VWF: variants seen among roughly 807,000 people sequenced by gnomAD.
VWF encodes the protein Factor VIII related antigen.
VWF carries 176 observed loss-of-function variants against 308.6 expected under a neutral mutation model. The ratio of observed to expected loss-of-function variants is 0.57; its 90% CI spans 0.50 to 0.65. The LOEUF (loss-of-function observed/expected upper bound fraction) is 0.65. VWF is among the 30% of genes least tolerant of loss of function. The pLI is 0.00. For missense variants in VWF, 3,146 were observed against 3,648.2 expected (o/e 0.86, Z 3.55); for synonymous variants, 1,385 against 1,443.4 (o/e 0.96, Z 0.92).
rs61750580 is a variant in VWF, at chr12:6,018,593, C to T, written c.4825G>A (p.Gly1609Arg). The T allele has an allele frequency of 3.1e-6, 5 of 1,614,130 alleles. No homozygotes were observed. Among genetic ancestry groups the T allele is most frequent in the African/African-American group, 1.3e-5 (1 of 75,030 alleles). ...TTGATCTCATCAGAGGCAGGATTTC[C>T]GGTGACCATGTAGACCAGGTTGGGC... ...QAPNLVYMVTGNPASDEIKRL... is the reference protein window; with the variant it reads ...QAPNLVYMVTRNPASDEIKRL... The change falls in exon 28 of 52, where the codon GGA (glycine) becomes AGA (arginine). Residue 1609 changes from glycine to arginine, a missense_variant. Physicochemically the swap from Gly to Arg is moderately radical, Grantham distance 125 (BLOSUM62 -2). This residue lies in a region of VWF where 853 missense variants were observed against 1,177.8 expected (regional missense o/e 0.72). Transcript: ENST00000261405.
intron 5 of VWF, 112 bp from the exon 6 acceptor site, chr12:6,095,696 TAAAG>T: frequency 1.3e-6 from 2 of 1,503,694 alleles, no homozygotes; most frequent in African/African-American, 2.8e-5. Flanking sequence ...TAATTTTTTA[TAAAG>T]AGACAGGGTC....
At chr12:6,105,994 G>A (rs922675514) in intron 5 of VWF, among the ~76,000 whole-genome samples, 1 of 152,194 alleles carries the variant, frequency 6.6e-6, no homozygotes, top group Non-Finnish European at 1.5e-5. Flanking sequence ...AGTAAGCCGA[G>A]ATCAGGCCAC....
chr12:5,980,139 A>AAGGAAGG (rs1565817152), intron 42 of VWF, among the ~76,000 whole-genome samples: 25 of 71,796 alleles, frequency 3.5e-4, no homozygotes, highest in African/African-American at 1.0e-3. Flanking sequence ...AGGAAGGAAG[A>AAGGAAGG]AAGGAGTGAG....
Position 6,052,621 on chromosome 12 carries a change from G to C in VWF, c.2108C>G (p.Pro703Arg), listed in dbSNP as rs377240952. Residue 703 changes from proline to arginine, a missense_variant, in exon 16 of 52, where the codon CCC (proline) becomes CGC (arginine). This residue lies in a region of VWF where 1,304 missense variants were observed against 1,353.0 expected (regional missense o/e 0.96). Coordinates refer to ENST00000261405, the MANE Select transcript of VWF (RefSeq NM_000552.5). ...ATAGTAACAGGGGCACTGGGCCTTG[G>C]GCACGCAGTCCCCCCTCTCATCCAT... ...LYMDERGDCV[P>R]KAQCPCYYDG... The C allele has an allele frequency of 6.2e-7, 1 of 1,614,230 alleles. No individual in the cohort carries two copies. Among genetic ancestry groups the C allele is most frequent in the Non-Finnish European group, 8.5e-7 (1 of 1,180,040 alleles).
chr12:5,952,475 C>G lies in VWF; in HGVS notation c.8031G>C (p.Lys2677Asn). ...AGAAGTACTCTCCTCTCTCATTGAC[C>G]TTGCAGAAGTGAGTATCACAGCCAT... ...LQDGCDTHFC[K>N]VNERGEYFWE... Residue 2677 changes from lysine (K) to asparagine (N), a missense_variant, in exon 49 of 52, where the codon AAG (lysine) becomes AAC (asparagine). Physicochemically the swap from Lys to Asn is moderately conservative, Grantham distance 94 (BLOSUM62 0). This residue lies in a region of VWF where 989 missense variants were observed against 1,117.4 expected (regional missense o/e 0.89). Coordinates refer to ENST00000261405, the MANE Select transcript of VWF (RefSeq NM_000552.5). 6.2e-7 allele frequency: 1 copy of G among 1,614,122 alleles called. No individual in the cohort carries two copies. Among genetic ancestry groups the G allele is most frequent in the Non-Finnish European group, 8.5e-7 (1 of 1,179,982 alleles).
At position 6,070,483 on chromosome 12, in the gene VWF, G is replaced by GCTCTGC. The variant is rs1189625682; in HGVS notation, c.1156+808_1156+813dup. ...CAGGCAGTTGTGAGTTCAAGCCCTG[G>GCTCTGC]CTCTGCCTCGTAGCAGCTGTGTGAC... On this transcript the variant is annotated intron_variant, in intron 10 of 51. Coordinates refer to ENST00000261405, the MANE Select transcript of VWF (RefSeq NM_000552.5). Among the ~76,000 whole-genome samples, 11 of 152,354 alleles carry GCTCTGC rather than the reference G, an allele frequency of 7.2e-5. No individual in the cohort carries two copies. The East Asian group carries it at 2.1e-3, about 29-fold the overall frequency.
At chr12:6,123,452 C>T (rs1321681723) in intron 1 of VWF, among the ~76,000 whole-genome samples, 1 of 152,122 alleles carries the variant, frequency 6.6e-6, no homozygotes, top group African/African-American at 2.4e-5. Flanking sequence ...CAGTCCCAGG[C>T]CCAAGACAGG....
At chr12:6,025,532 G>C (rs1384302276) in intron 24 of VWF, 48 bp downstream of exon 24, 1 of 1,465,192 alleles carries the variant, frequency 6.8e-7, no homozygotes, top group Non-Finnish European at 9.5e-7. Flanking sequence ...CATACCACCA[G>C]GCCAAGCCTT....
rs191204909 is a variant in VWF at position 6,119,773 on chromosome 12, C to T, written c.220+1401G>A. Among the ~76,000 whole-genome samples the T allele has an allele frequency of 1.4e-3, 217 of 152,230 alleles. 3 individuals carry two copies. Among genetic ancestry groups the T allele is most frequent in the Middle Eastern group, 6.8e-3 (2 of 294 alleles). ...AGGAGAATTGCTTGAACCCAGGAGG[C>T]GGAGGTTGCAGTGAGCCAAGATCGC... is the stretch of plus-strand genomic sequence containing the variant. On this transcript the variant is annotated intron_variant, in intron 3 of 51. Transcript: ENST00000261405.
chr12:6,088,371 C>A (rs138514397), intron 6 of VWF, among the ~76,000 whole-genome samples: 6 of 151,160 alleles, frequency 4.0e-5, no homozygotes, highest in Non-Finnish European at 8.8e-5. Context: ...CCCAGCTACT[C>A]GGGAGGCTGA....
chr12:6,003,320 A>G (rs550023857), intron 34 of VWF, among the ~76,000 whole-genome samples: 2 of 152,348 alleles, frequency 1.3e-5, no homozygotes, highest in Admixed American at 6.5e-5. Context: ...TATGACATCA[A>G]TAACTGAAAG....
Position 6,092,624 on chromosome 12 carries a change from T to TGAGAGAGAGAGAGAGAGAGA in VWF, c.657+2835_657+2836insTCTCTCTCTCTCTCTCTCTC, listed in dbSNP as rs1180180618. Among the ~76,000 whole-genome samples, 90 of 87,054 alleles carry TGAGAGAGAGAGAGAGAGAGA rather than the reference T, an allele frequency of 1.0e-3. 3 individuals carry two copies. The highest frequency in any genetic ancestry group is 5.4e-3 in the African/African-American group (84 of 15,614). The allele number at this position is 87,054 out of a possible 152,430, so 57.1% of individuals were successfully genotyped here. On this transcript the variant is annotated intron_variant, in intron 6 of 51. Transcript: ENST00000261405. ...TAGTTAGTGAGTGAGTGAGAGTGTG[T>TGAGAGAGAGAGAGAGAGAGA]GTGTGTGTGTGTGTGTGTGTGTGTG...
At chr12:6,016,935 A>G in intron 28 of VWF, 65 bp from the exon 29 acceptor site, 2 of 1,532,272 alleles carry the variant, frequency 1.3e-6, no homozygotes, top group East Asian at 2.2e-5. Flanking sequence ...CCAGGCCTAC[A>G]ACCTGACATC....
At chr12:5,975,660 T>C (rs1302167381) in intron 43 of VWF, among the ~76,000 whole-genome samples, 1 of 152,156 alleles carries the variant, frequency 6.6e-6, no homozygotes. Context: ...CAGGCGAAGG[T>C]GATACATGAG....
At chr12:6,057,770 C>T (rs1214307338) in intron 14 of VWF, 79 bp downstream of exon 14, 5 of 1,476,448 alleles carry the variant, frequency 3.4e-6, no homozygotes, top group African/African-American at 1.4e-5. Context: ...GGTGGGAGCA[C>T]TGCCTCCGGA....
rs763907829 is a variant in VWF, at chr12:6,095,583, C to T, written c.534G>A (p.Gly178=). The T allele has an allele frequency of 1.2e-6, 2 of 1,614,152 alleles. No individual in the cohort carries two copies. The highest frequency in any genetic ancestry group is 1.7e-6 in the Non-Finnish European group (2 of 1,180,014). ...AGTCATAAGGGTCCGAGGTCAAGGT[C>T]CCTGTGGAGGAAAGTTTCAGGAAAG... is the stretch of plus-strand genomic sequence containing the variant. ...FAEDDFMTQE[G]TLTSDPYDFA... Residue 178 remains glycine, a splice_region_variant and synonymous_variant, in exon 6 of 52, where the codon GGG becomes GGA. Coordinates refer to ENST00000261405, the MANE Select transcript of VWF (RefSeq NM_000552.5).
intron 6 of VWF, among the ~76,000 whole-genome samples, chr12:6,094,781 C>T (rs1165642665): frequency 6.6e-6 from 1 of 151,854 alleles, no homozygotes; most frequent in Non-Finnish European, 1.5e-5. Flanking sequence ...GGCACGATCT[C>T]AGTTCACTGA....
At chr12:6,064,458 A>C (rs1944690071) in intron 11 of VWF, 74 bp from the exon 12 acceptor site, 2 of 1,596,578 alleles carry the variant, frequency 1.3e-6, no homozygotes, top group African/African-American at 2.7e-5. Context: ...GACCCTCTTA[A>C]TCAGAGAAAG....
At chr12:6,051,713 A>T (rs1591885819) in intron 16 of VWF, among the ~76,000 whole-genome samples, 1 of 152,112 alleles carries the variant, frequency 6.6e-6, no homozygotes, top group African/African-American at 2.4e-5. Context: ...GGGCTCAAGC[A>T]ATCTTCCCAC....
Sources: gnomAD v4.1 joint callset for allele counts (sites outside exome capture counted in the v4.1 genomes callset) on GRCh38, gnomAD v4.1.1 for gene constraint, gnomAD v4.1.1 regional missense constraint, MANE v1.5 for transcripts, NCBI Gene and HGNC (gene_info 2026-07-23, HGNC 2026-07-21) for gene names.